Variants in FBXW7 observed in about 807,000 individuals in gnomAD.
The protein encoded by FBXW7 is F-box and WD repeat domain containing 7.
In FBXW7, 11 loss-of-function variants were observed where a neutral mutation model predicts 86.3. The ratio of observed to expected loss-of-function variants is 0.13; its 90% CI spans 0.08 to 0.21. FBXW7 has a LOEUF of 0.21. FBXW7 is among the 10% of genes least tolerant of loss of function. FBXW7 has a pLI of 1.00. For synonymous variants in FBXW7, 313 were observed against 297.9 expected, an observed-to-expected ratio of 1.05 and a Z score of -0.52; for missense variants, 488 against 847.4, an observed-to-expected ratio of 0.58 and a Z score of 5.27.
At chr4:152,531,647 GAC>G (rs1561008440) in intron 2 of FBXW7, among the ~76,000 whole-genome samples, 1 of 150,454 alleles carries the variant, frequency 6.6e-6, no homozygotes, top group Non-Finnish European at 1.5e-5. Context: ...GGGACACAAA[GAC>G]ACACACCAAC....
chr4:152,402,390 G>A (rs1446070929), intron 4 of FBXW7, among the ~76,000 whole-genome samples: 1 of 152,110 alleles, frequency 6.6e-6, no homozygotes, highest in Non-Finnish European at 1.5e-5. Context: ...TTAATACGAT[G>A]AGTCACAATA....
At chr4:152,528,210 C>T (rs1262663418) in intron 2 of FBXW7, among the ~76,000 whole-genome samples, 1 of 152,112 alleles carries the variant, frequency 6.6e-6, no homozygotes, top group African/African-American at 2.4e-5. Flanking sequence ...AACATGCTAT[C>T]TCTTTCTTAC....
At chr4:152,452,988 C>T (rs987675523) in intron 2 of FBXW7, among the ~76,000 whole-genome samples, 1 of 152,114 alleles carries the variant, frequency 6.6e-6, no homozygotes, top group African/African-American at 2.4e-5. Context: ...TTGAGACCAG[C>T]CTGGCCAACA....
In FBXW7 at chr4:152,320,690, G is replaced by C. The variant is rs1728503800; in HGVS notation, c.*2191C>G. The C allele has an allele frequency of 6.6e-6, 1 of 152,014 alleles. No homozygotes were observed. Among genetic ancestry groups the C allele is most frequent in the South Asian group, 2.1e-4 (1 of 4,822 alleles). The allele number at this position is 152,014 out of a possible 1,614,324, so 9.4% of individuals were successfully genotyped here. A position where few individuals can be genotyped will look rare whatever the true frequency, so the allele number is the denominator to read the frequency against. On this transcript the variant is annotated 3_prime_UTR_variant, in exon 14 of 14. Coordinates refer to ENST00000281708, the MANE Select transcript of FBXW7 (RefSeq NM_001349798.2). ...TCCCTCTCAAACCTTGCTTTAGTCT[G>C]TCAAACTTTCTTAAAGAGCAGCATG...
At chr4:152,395,094 T>C (rs1323501713) in intron 4 of FBXW7, among the ~76,000 whole-genome samples, 1 of 151,988 alleles carries the variant, frequency 6.6e-6, no homozygotes, top group East Asian at 1.9e-4. Flanking sequence ...GAGGACTCAG[T>C]ACATCGTCAA....
intron 2 of FBXW7, among the ~76,000 whole-genome samples, chr4:152,423,066 G>A (rs1417980161): frequency 1.3e-5 from 2 of 152,110 alleles, no homozygotes; most frequent in Admixed American, 1.3e-4. Context: ...GGATCCAGAG[G>A]CTTTATTGAA....
At chr4:152,452,803 A>C (rs185822531) in intron 2 of FBXW7, among the ~76,000 whole-genome samples, 6 of 152,356 alleles carry the variant, frequency 3.9e-5, no homozygotes, top group African/African-American at 1.2e-4. Flanking sequence ...AACCTCAAGA[A>C]CGGATTGCCT....
rs2126516305 is a variant in FBXW7 at position 152,328,372 on chromosome 4, C to A, written c.1254G>T (p.Val418=). 2 of 1,544,386 alleles carry A rather than the reference C, an allele frequency of 1.3e-6. No homozygotes were observed. Among genetic ancestry groups the A allele is most frequent in the Non-Finnish European group, 1.7e-6 (2 of 1,149,218 alleles). Residue 418 remains valine (V), a synonymous_variant, in exon 11 of 14, where the codon GTG becomes GTT. Coordinates refer to ENST00000281708, the MANE Select transcript of FBXW7 (RefSeq NM_001349798.2). ...ATGACCATACTCCACCTGTATGTCC[C>A]ACTAATGTTCTCAGACACTGGAAAA... The part of the protein sequence containing the change: ...AVTGKCLRTL[V]GHTGGVWSSQ...
At chr4:152,533,447 T>C (rs766838506) in intron 2 of FBXW7, among the ~76,000 whole-genome samples, 1 of 152,144 alleles carries the variant, frequency 6.6e-6, no homozygotes. Context: ...ACATCCACTA[T>C]TCAGTATTTT....
intron 2 of FBXW7, among the ~76,000 whole-genome samples, chr4:152,442,319 A>T (rs1740966385): frequency 6.6e-6 from 1 of 152,198 alleles, no homozygotes; most frequent in Non-Finnish European, 1.5e-5. Context: ...TAAAATGTAA[A>T]TTCCTAGGCT....
intron 2 of FBXW7, among the ~76,000 whole-genome samples, chr4:152,458,871 T>C (rs921595200): frequency 2.0e-5 from 3 of 152,178 alleles, no homozygotes; most frequent in African/African-American, 7.2e-5. Flanking sequence ...GCTATGCCAC[T>C]TCTATGGGCC....
At chr4:152,453,945 T>C (rs1168264371) in intron 2 of FBXW7, among the ~76,000 whole-genome samples, 3 of 152,270 alleles carry the variant, frequency 2.0e-5, no homozygotes, top group Admixed American at 2.0e-4. Flanking sequence ...CTTTTATTCA[T>C]TTTTTCCAAG....
At chr4:152,493,296 C>G (rs1388175649) in intron 2 of FBXW7, among the ~76,000 whole-genome samples, 2 of 152,070 alleles carry the variant, frequency 1.3e-5, no homozygotes, top group East Asian at 3.9e-4. Flanking sequence ...TCCCGAGTAG[C>G]TGCGATTACA....
At chr4:152,362,848 A>C (rs1316954679) in intron 4 of FBXW7, among the ~76,000 whole-genome samples, 1 of 150,990 alleles carries the variant, frequency 6.6e-6, no homozygotes, top group African/African-American at 2.4e-5. Context: ...AAAAAAAAAA[A>C]ACAACAAGAA....
intron 4 of FBXW7, among the ~76,000 whole-genome samples, chr4:152,385,100 A>C (rs546845911): frequency 1.3e-5 from 2 of 152,158 alleles, no homozygotes; most frequent in South Asian, 4.1e-4. Context: ...ATATTACAAC[A>C]GTTTTCTGCA....
chr4:152,515,528 T>C (rs754869047), intron 2 of FBXW7, among the ~76,000 whole-genome samples: 9 of 152,216 alleles, frequency 5.9e-5, no homozygotes, highest in Non-Finnish European at 1.2e-4. Flanking sequence ...ACTTGCAAAT[T>C]GGGTAATGGC....
chr4:152,509,431 T>G (rs1032890318), intron 2 of FBXW7, among the ~76,000 whole-genome samples: 13 of 152,214 alleles, frequency 8.5e-5, no homozygotes, highest in Non-Finnish European at 1.8e-4. Flanking sequence ...ACAGTCTCAT[T>G]TTTCTATAAT....
chr4:152,519,651 T>C (rs1361619958), intron 2 of FBXW7, among the ~76,000 whole-genome samples: 1 of 152,252 alleles, frequency 6.6e-6, no homozygotes, highest in South Asian at 2.1e-4. Context: ...TCAATTCAAA[T>C]GACGGACTTC....
intron 4 of FBXW7, chr4:152,352,544 C>T (rs1731916915): frequency 6.2e-7 from 1 of 1,613,908 alleles, no homozygotes; most frequent in South Asian, 1.1e-5. Context: ...GATTCTGTGC[C>T]CCCGTGTGTC....
Sources: allele counts gnomAD v4.1 joint callset (sites outside exome capture counted in the v4.1 genomes callset), GRCh38; gene constraint gnomAD v4.1.1; transcripts MANE v1.5; gene names NCBI Gene and HGNC (gene_info 2026-07-23, HGNC 2026-07-21).